ADISSP: variants seen among roughly 807,000 people sequenced by gnomAD.
ADISSP encodes the protein adipose secreted signaling protein, also known as adipose-secreted signaling protein.
At chr20:3,763,255 CAAAAA>C in the ADISSP span, among the ~76,000 whole-genome samples, 3 of 48,744 alleles carry the variant, frequency 6.2e-5, no homozygotes, top group African/African-American at 1.6e-4. Flanking sequence ...GACTCTGTCT[CAAAAA>C]AAAAAAAAAA....
At chr20:3,753,941 C>T in the ADISSP span, 2 of 772,524 alleles carry the variant, frequency 2.6e-6, no homozygotes, top group East Asian at 2.7e-5. Flanking sequence ...GGCAAGGCCA[C>T]TCCACCCCCA....
At chr20:3,760,090 G>T in the ADISSP span, 1 of 1,612,426 alleles carries the variant, frequency 6.2e-7, no homozygotes, top group Non-Finnish European at 8.5e-7. Flanking sequence ...ACCCTTGTTG[G>T]CTGCAGCCAT....
the ADISSP span, among the ~76,000 whole-genome samples, chr20:3,761,350 T>TC: frequency 3.3e-5 from 5 of 151,392 alleles, no homozygotes; most frequent in African/African-American, 9.7e-5. Flanking sequence ...TTTTTTTTTT[T>TC]CTGAGACGGA....
chr20:3,766,290 C>T, the ADISSP span, among the ~76,000 whole-genome samples: 64 of 152,386 alleles, frequency 4.2e-4, 1 homozygote. Flanking sequence ...GCCACACATA[C>T]TCAGAACAAA....
the ADISSP span, among the ~76,000 whole-genome samples, chr20:3,757,485 A>G: frequency 1.3e-5 from 2 of 152,290 alleles, no homozygotes; most frequent in South Asian, 2.1e-4. Flanking sequence ...TTAAGACATG[A>G]GTGGATTTTG....
the ADISSP span, among the ~76,000 whole-genome samples, chr20:3,759,804 C>G: frequency 6.6e-6 from 1 of 152,166 alleles, no homozygotes; most frequent in Non-Finnish European, 1.5e-5. The surrounding 1 kb of genome is among the most constrained non-coding windows in gnomAD (Gnocchi z 4.6). Flanking sequence ...CCCCAACCCC[C>G]ACAGTGGAAC....
the ADISSP span, chr20:3,760,085 T>C: frequency 6.2e-7 from 1 of 1,612,740 alleles, no homozygotes; most frequent in Non-Finnish European, 8.5e-7. Flanking sequence ...CACTTACCCT[T>C]GTTGGCTGCA....
At chr20:3,758,750 C>T in the ADISSP span, 1 of 1,472,636 alleles carries the variant, frequency 6.8e-7, no homozygotes, top group South Asian at 1.2e-5. This position sits in a 1 kb window ranked among gnomAD's most constrained non-coding sequence, Gnocchi z 5.5. Flanking sequence ...GTCCCCTCGT[C>T]ACCCCCAAGA....
the ADISSP span, among the ~76,000 whole-genome samples, chr20:3,756,662 C>G: frequency 6.6e-6 from 1 of 152,358 alleles, no homozygotes; most frequent in East Asian, 1.9e-4. Context: ...GGGCACATCC[C>G]TCAAGAAGGC....
At chr20:3,755,758 G>T in the ADISSP span, 3 of 576,160 alleles carry the variant, frequency 5.2e-6, no homozygotes, top group Non-Finnish European at 8.9e-6. Flanking sequence ...CCAGCTGATC[G>T]ACCCCCAGCC....
chr20:3,753,931 G>A, the ADISSP span: 47 of 702,320 alleles, frequency 6.7e-5, no homozygotes, highest in Non-Finnish European at 1.1e-4. Flanking sequence ...GAGAGGCGTG[G>A]GCAAGGCCAC....
At chr20:3,761,516 A>G in the ADISSP span, among the ~76,000 whole-genome samples, 1 of 152,066 alleles carries the variant, frequency 6.6e-6, no homozygotes, top group East Asian at 1.9e-4. Flanking sequence ...TTGTATTTTT[A>G]GTAGAGACAG....
the ADISSP span, chr20:3,754,004 G>A: frequency 9.6e-6 from 13 of 1,348,484 alleles, no homozygotes; most frequent in Non-Finnish European, 1.2e-5. Flanking sequence ...GCATGTCGGG[G>A]GGACAAGGCG....
At chr20:3,759,517 C>A in the ADISSP span, among the ~76,000 whole-genome samples, 1 of 152,116 alleles carries the variant, frequency 6.6e-6, no homozygotes, top group Non-Finnish European at 1.5e-5. This position sits in a 1 kb window ranked among gnomAD's most constrained non-coding sequence, Gnocchi z 4.6. Context: ...GGCCCCTAGG[C>A]CCTCCCACCA....
chr20:3,759,287 C>T, the ADISSP span, among the ~76,000 whole-genome samples: 51 of 152,148 alleles, frequency 3.4e-4, 1 homozygote, highest in Admixed American at 3.3e-3. The surrounding 1 kb of genome is among the most constrained non-coding windows in gnomAD (Gnocchi z 4.6). Context: ...AGAGAGAATC[C>T]AAGGAAGCTT....
At chr20:3,761,623 A>G in the ADISSP span, among the ~76,000 whole-genome samples, 1 of 152,208 alleles carries the variant, frequency 6.6e-6, no homozygotes, top group Non-Finnish European at 1.5e-5. Flanking sequence ...GGTGTGAGCC[A>G]CCATGCCTGG....
chr20:3,758,304 G>C, the ADISSP span, among the ~76,000 whole-genome samples: 2 of 152,208 alleles, frequency 1.3e-5, no homozygotes, highest in Non-Finnish European at 2.9e-5. The surrounding 1 kb of genome is among the most constrained non-coding windows in gnomAD (Gnocchi z 5.5). Context: ...CTATTGTCTG[G>C]GTGAAGCAGA....
At chr20:3,762,363 G>A in the ADISSP span, among the ~76,000 whole-genome samples, 108 of 152,250 alleles carry the variant, frequency 7.1e-4, no homozygotes, top group African/African-American at 2.6e-3. Context: ...ACAGCTGATG[G>A]TAAGGTTGCT....
At chr20:3,757,340 C>T in the ADISSP span, among the ~76,000 whole-genome samples, 75 of 151,976 alleles carry the variant, frequency 4.9e-4, no homozygotes, top group African/African-American at 1.5e-3. Context: ...CAGCAAGACT[C>T]CGTCTCAAAA....
Sources: allele counts gnomAD v4.1 joint callset (sites outside exome capture counted in the v4.1 genomes callset), GRCh38; gene constraint gnomAD v4.1.1; non-coding constraint Gnocchi (gnomAD v3.1); transcripts MANE v1.5; gene names NCBI Gene and HGNC (gene_info 2026-07-23, HGNC 2026-07-21).